NALCN: variants seen among roughly 807,000 people sequenced by gnomAD.
NALCN encodes the protein sodium leak channel, non-selective, also known as sodium leak channel NALCN.
Under a neutral mutation model 225.3 loss-of-function variants are expected in NALCN, and 111 were observed. The ratio of observed to expected loss-of-function variants is 0.49; its 90% confidence interval spans 0.42 to 0.58. NALCN has a LOEUF of 0.58. Ranked by LOEUF, NALCN falls within the 20% of genes least tolerant of loss-of-function variation. The pLI, the probability that NALCN is intolerant of heterozygous loss-of-function variation, is 0.00. For synonymous variants in NALCN, 764 were observed against 769.0 expected, an observed-to-expected ratio of 0.99 and a Z score of 0.11; for missense variants, 1,378 against 2,202.4, an observed-to-expected ratio of 0.63 and a Z score of 7.49.
rs1022925549 is a variant in NALCN, at chr13:101,057,753, G to C, written c.5023+186C>G. On this transcript the variant is annotated intron_variant, in intron 43 of 43. Coordinates refer to ENST00000251127, the MANE Select transcript of NALCN (RefSeq NM_052867.4). ...ACCCGGAAAATGGGGGCTAATGTAA[G>C]TCATATTTAGAGAAGTTATTTTGGG... The C allele has an allele frequency of 2.3e-5, 14 of 619,472 alleles. No homozygotes were observed. The African/African-American group carries it at 2.6e-4, about 11-fold the overall frequency. 38.4% of individuals were successfully genotyped at this position (619,472 alleles called of 1,614,324 possible).
At chr13:101,251,838 G>A (rs2042071730) in intron 11 of NALCN, among the ~76,000 whole-genome samples, 1 of 152,126 alleles carries the variant, frequency 6.6e-6, no homozygotes, top group South Asian at 2.1e-4. Flanking sequence ...CTCTCAAGCT[G>A]TAACTTCTCT....
intron 10 of NALCN, among the ~76,000 whole-genome samples, chr13:101,262,253 C>T (rs1407905238): frequency 6.6e-6 from 1 of 152,148 alleles, no homozygotes; most frequent in Non-Finnish European, 1.5e-5. Flanking sequence ...ACTTTAATAT[C>T]CACCATAGCT....
intron 7 of NALCN, among the ~76,000 whole-genome samples, chr13:101,333,170 T>C (rs893966161): frequency 5.3e-5 from 8 of 152,148 alleles, no homozygotes; most frequent in African/African-American, 1.9e-4. Flanking sequence ...CTCAGAAAAA[T>C]AGAAATACAT....
At chr13:101,096,711 G>T (rs1206319083) in intron 27 of NALCN, among the ~76,000 whole-genome samples, 3 of 152,128 alleles carry the variant, frequency 2.0e-5, no homozygotes, top group African/African-American at 7.2e-5. Context: ...TGGGTGTATT[G>T]TGTGGTATGT....
intron 7 of NALCN, among the ~76,000 whole-genome samples, chr13:101,324,294 T>C (rs561346939): frequency 1.9e-4 from 29 of 152,206 alleles, no homozygotes; most frequent in Non-Finnish European, 2.1e-4. Context: ...AAAAATATAA[T>C]GTCAATCAGT....
chr13:101,190,415 C>G (rs1174482221), intron 14 of NALCN, among the ~76,000 whole-genome samples: 1 of 152,148 alleles, frequency 6.6e-6, no homozygotes, highest in Admixed American at 6.5e-5. Context: ...ATAAATGGCA[C>G]AGGCTTAAAG....
chr13:101,103,424 T>A, intron 25 of NALCN, 85 bp from the exon 26 acceptor site: 1 of 1,460,536 alleles, frequency 6.8e-7, no homozygotes, highest in Non-Finnish European at 9.2e-7. Context: ...GCCACAACTT[T>A]TCATTTAGCA....
intron 10 of NALCN, among the ~76,000 whole-genome samples, chr13:101,279,996 T>A (rs1434233008): frequency 6.6e-6 from 1 of 152,150 alleles, no homozygotes; most frequent in Non-Finnish European, 1.5e-5. Flanking sequence ...ATGGCATTAA[T>A]CATTAGTGAA....
intron 7 of NALCN, among the ~76,000 whole-genome samples, chr13:101,307,827 T>C (rs566262625): frequency 5.5e-4 from 84 of 152,338 alleles, no homozygotes; most frequent in Middle Eastern, 3.4e-3. Flanking sequence ...TAGGTAAAGA[T>C]AGTTTTAAAT....
chr13:101,120,338 C>A (rs1012739343), intron 18 of NALCN, among the ~76,000 whole-genome samples: 6 of 152,090 alleles, frequency 3.9e-5, no homozygotes, highest in Non-Finnish European at 7.4e-5. Context: ...AAACAGTCAG[C>A]AACTTCACCG....
In NALCN at chr13:101,286,607, C is replaced by A. The variant is rs564228888; in HGVS notation, c.1048-2588G>T. Among the ~76,000 whole-genome samples, 6 of 152,246 alleles carry A rather than the reference C, an allele frequency of 3.9e-5. No homozygotes were observed. The East Asian group carries it at 1.2e-3, about 29-fold the overall frequency. On this transcript the variant is annotated intron_variant, in intron 9 of 43. Coordinates refer to ENST00000251127, the MANE Select transcript of NALCN (RefSeq NM_052867.4). Reference sequence around the variant, plus strand: ...AGAGAATGGGATTCCTCATCGCATACGTCACCTAAGCAACTTATTTTGGGC... The same window carrying A: ...AGAGAATGGGATTCCTCATCGCATAAGTCACCTAAGCAACTTATTTTGGGC...
intron 34 of NALCN, among the ~76,000 whole-genome samples, chr13:101,079,006 G>A (rs1186847704): frequency 2.0e-5 from 3 of 152,134 alleles, no homozygotes; most frequent in African/African-American, 7.2e-5. Flanking sequence ...CCCCTTTGCT[G>A]GGCACTCATT....
At chr13:101,072,746 T>C (rs978543905) in intron 37 of NALCN, among the ~76,000 whole-genome samples, 2 of 152,196 alleles carry the variant, frequency 1.3e-5, no homozygotes, top group African/African-American at 4.8e-5. Flanking sequence ...TCCAATATGG[T>C]GACCACTAGC....
At chr13:101,315,891 T>C (rs1168313408) in intron 7 of NALCN, among the ~76,000 whole-genome samples, 1 of 128 alleles carries the variant, frequency 7.8e-3, no homozygotes, top group Non-Finnish European at 0.042. Context: ...CCAAGCCTGT[T>C]TTTTTTGTTC....
chr13:101,162,275 C>T (rs1057135467), intron 15 of NALCN, among the ~76,000 whole-genome samples: 2 of 152,194 alleles, frequency 1.3e-5, no homozygotes. Flanking sequence ...GACCAGAAGG[C>T]TCCATGGGAG....
chr13:101,411,620 T>A (rs1444999671), intron 1 of NALCN, among the ~76,000 whole-genome samples: 2 of 152,166 alleles, frequency 1.3e-5, no homozygotes, highest in East Asian at 3.9e-4. Context: ...AGTGCTGGGA[T>A]TACAGGCGTG....
intron 7 of NALCN, among the ~76,000 whole-genome samples, chr13:101,337,251 G>A (rs890144339): frequency 4.0e-5 from 6 of 151,890 alleles, no homozygotes; most frequent in South Asian, 2.1e-4. Flanking sequence ...TGCAGTGGAC[G>A]TCACATTCCT....
At chr13:101,117,498 T>C (rs2035774670) in intron 18 of NALCN, among the ~76,000 whole-genome samples, 1 of 152,246 alleles carries the variant, frequency 6.6e-6, no homozygotes, top group African/African-American at 2.4e-5. Context: ...ATGTATTCCA[T>C]TTTTCTTTAC....
intron 10 of NALCN, among the ~76,000 whole-genome samples, chr13:101,277,615 C>T (rs759488721): frequency 1.3e-5 from 2 of 152,130 alleles, no homozygotes; most frequent in Non-Finnish European, 2.9e-5. Flanking sequence ...TCATTGTTTT[C>T]TGTAATCACA....
Sources: gnomAD v4.1 joint callset for allele counts (sites outside exome capture counted in the v4.1 genomes callset) on GRCh38, gnomAD v4.1.1 for gene constraint, MANE v1.5 for transcripts, NCBI Gene and HGNC (gene_info 2026-07-23, HGNC 2026-07-21) for gene names.